OTOF: variants seen among roughly 807,000 people sequenced by gnomAD.
OTOF encodes fer-1-like family member 2.
OTOF carries 218 observed loss-of-function variants against 236.8 expected under a neutral mutation model. That is an observed-to-expected ratio of 0.92 (90% confidence interval 0.82 to 1.03). The LOEUF is 1.03. Ranked by LOEUF, OTOF falls within the 50% of genes least tolerant of loss-of-function variation. OTOF has a pLI of 0.00. For missense variants in OTOF, 2,590 were observed against 2,694.4 expected, an observed-to-expected ratio of 0.96 and a Z score of 0.86; for synonymous variants, 1,041 against 1,072.5, an observed-to-expected ratio of 0.97 and a Z score of 0.57.
chr2:26,551,507 C>T (rs911502393), intron 1 of OTOF, among the ~76,000 whole-genome samples: 37 of 152,214 alleles, frequency 2.4e-4, no homozygotes, highest in African/African-American at 8.4e-4. Flanking sequence ...TTCCCCCCAT[C>T]CTGGGCTAAG....
At chr2:26,553,848 C>T (rs1196584659) in intron 1 of OTOF, among the ~76,000 whole-genome samples, 1 of 152,136 alleles carries the variant, frequency 6.6e-6, no homozygotes, top group African/African-American at 2.4e-5. Flanking sequence ...TCTTGCTTCC[C>T]ACCTATGGGC....
intron 1 of OTOF, among the ~76,000 whole-genome samples, chr2:26,550,226 T>G (rs997987356): frequency 6.6e-6 from 1 of 152,006 alleles, no homozygotes; most frequent in Non-Finnish European, 1.5e-5. Flanking sequence ...AGCAGGTGGA[T>G]CAGTTCAGAC....
intron 1 of OTOF, among the ~76,000 whole-genome samples, chr2:26,549,973 G>A (rs531112708): frequency 1.1e-4 from 16 of 152,278 alleles, no homozygotes; most frequent in Non-Finnish European, 1.5e-4. Context: ...ATCCACAAGT[G>A]TGTAGAGTAC....
chr2:26,519,191 T>C (rs933331927), intron 3 of OTOF, 82 bp from the exon 4 acceptor site: 4 of 963,178 alleles, frequency 4.2e-6, no homozygotes, highest in Non-Finnish European at 4.9e-6. Flanking sequence ...GGGCTGTGAC[T>C]GCTTGGGGAG....
At chr2:26,511,045 C>T (rs1438111338) in intron 5 of OTOF, among the ~76,000 whole-genome samples, 1 of 152,242 alleles carries the variant, frequency 6.6e-6, no homozygotes, top group East Asian at 1.9e-4. Flanking sequence ...ATCGCCCCTA[C>T]CAGGCTAAGA....
rs1468744607 is a variant in OTOF at position 26,470,140 on chromosome 2, GA to G, written c.4023+452del. Reference sequence around the variant, plus strand: ...GCAGTTGTTCCCTTATGGCCTCTGAGAACATGTTTCTCCTTTTCCACAAAGG... The same window carrying G: ...GCAGTTGTTCCCTTATGGCCTCTGAGACATGTTTCTCCTTTTCCACAAAGG... On this transcript the variant is annotated intron_variant, in intron 32 of 46. Coordinates refer to ENST00000272371, the MANE Select transcript of OTOF (RefSeq NM_194248.3). This position sits in a 1 kb window ranked among gnomAD's most constrained non-coding sequence, Gnocchi z 4.3. 6.6e-6 allele frequency among the ~76,000 whole-genome samples: 1 copy of G among 152,172 alleles called. No homozygotes were observed. Among genetic ancestry groups the G allele is most frequent in the African/African-American group, 2.4e-5 (1 of 41,444 alleles).
chr2:26,493,213 T>G (rs756704498), intron 9 of OTOF, among the ~76,000 whole-genome samples: 4 of 152,026 alleles, frequency 2.6e-5, no homozygotes, highest in Non-Finnish European at 2.9e-5. Flanking sequence ...GAGAGCAGAG[T>G]CAATTTGTGG....
Position 26,460,632 on chromosome 2 carries a change from C to T in OTOF, c.5813+15G>A, listed in dbSNP as rs371649088. On this transcript the variant is annotated intron_variant, in intron 45 of 46. Transcript: ENST00000272371. The surrounding 1 kb of genome is among the most constrained non-coding windows in gnomAD (Gnocchi z 5.3). ...GAGCCAGAGTGGGGAGGGGCTGGGCCGGCAGGGCACTCACTTGGGTTTCTC... is the reference window on the plus strand; with the variant it reads ...GAGCCAGAGTGGGGAGGGGCTGGGCTGGCAGGGCACTCACTTGGGTTTCTC... The T allele has an allele frequency of 1.1e-4, 172 of 1,605,068 alleles. No individual in the cohort carries two copies. Among genetic ancestry groups the T allele is most frequent in the Non-Finnish European group, 1.4e-4 (159 of 1,172,302 alleles).
intron 5 of OTOF, among the ~76,000 whole-genome samples, chr2:26,505,924 A>G (rs1246871097): frequency 6.6e-6 from 1 of 152,248 alleles, no homozygotes; most frequent in African/African-American, 2.4e-5. Flanking sequence ...AAAGAACCTG[A>G]GCACCCAAAC....
At chr2:26,510,139 A>G (rs898262524) in intron 5 of OTOF, among the ~76,000 whole-genome samples, 1 of 151,008 alleles carries the variant, frequency 6.6e-6, no homozygotes, top group African/African-American at 2.4e-5. Context: ...CAGCACCCTG[A>G]CCTCATTTTT....
At chr2:26,467,612 C>G (rs1251943395) in intron 33 of OTOF, 111 bp from the exon 34 acceptor site, 1 of 1,304,752 alleles carries the variant, frequency 7.7e-7, no homozygotes. Flanking sequence ...TCTCGGATGT[C>G]CATGTGCTGT....
intron 11 of OTOF, among the ~76,000 whole-genome samples, chr2:26,488,901 T>C (rs994537198): frequency 3.3e-5 from 5 of 152,240 alleles, no homozygotes; most frequent in African/African-American, 7.2e-5. Flanking sequence ...AGCCTGCCTA[T>C]GGCCAGTGAT....
intron 5 of OTOF, among the ~76,000 whole-genome samples, chr2:26,513,873 C>T (rs1291953036): frequency 4.6e-5 from 7 of 152,180 alleles, no homozygotes; most frequent in African/African-American, 1.4e-4. Flanking sequence ...TCTCTGGCTT[C>T]CTCCCAGAAC....
intron 9 of OTOF, among the ~76,000 whole-genome samples, chr2:26,493,724 TC>T (rs1572449029): frequency 6.6e-6 from 1 of 151,992 alleles, no homozygotes. Context: ...TATTGGGAAA[TC>T]GAAACTTAAG....
chr2:26,502,211 T>C, intron 7 of OTOF, 89 bp downstream of exon 7: 1 of 1,448,556 alleles, frequency 6.9e-7, no homozygotes, highest in South Asian at 1.2e-5. Flanking sequence ...GAGCCCTGAT[T>C]CTTCCCTACC....
chr2:26,463,514 G>T lies in OTOF; in HGVS notation c.5161C>A (p.Pro1721Thr), dbSNP rs746372798. 2 of 1,608,512 alleles carry T rather than the reference G, an allele frequency of 1.2e-6. No individual in the cohort carries two copies. The highest frequency in any genetic ancestry group is 2.2e-5 in the East Asian group (1 of 44,740). The change falls in exon 41 of 47, where the codon CCT (proline) becomes ACT (threonine). Residue 1721 changes from proline to threonine, a missense_variant. Pro to Thr is a conservative substitution (Grantham distance 38). Around this residue, in one of 2 missense-constraint regions of OTOF, gnomAD observed 1,211 missense variants for 1,352.8 expected, o/e 0.90. Coordinates refer to ENST00000272371, the MANE Select transcript of OTOF (RefSeq NM_194248.3). ...FPMDMPAPGT[P>T]LDISPRKPKK... is the part of the protein sequence containing the mutation. ...GGCTTCCGAGGTGAGATGTCCAGAG[G>T]CGTCCCAGGGGCTGGCATGTCCATG... is the stretch of plus-strand genomic sequence containing the variant.
At position 26,458,205 on chromosome 2, in the gene OTOF, G is replaced by A. The variant is rs1427858309; in HGVS notation, c.*33C>T. 1.3e-6 allele frequency: 2 copies of A among 1,587,938 alleles called. No individual in the cohort carries two copies. The highest frequency in any genetic ancestry group is 4.6e-5 in the East Asian group (2 of 43,150). ...TGAGAGGGTTGAGGAACCAGACGAA[G>A]GCCGTGTCGGGCCGGCTGGGAAGTG... On this transcript the variant is annotated 3_prime_UTR_variant, in exon 47 of 47. Coordinates refer to ENST00000272371, the MANE Select transcript of OTOF (RefSeq NM_194248.3).
At position 26,489,758 on chromosome 2, in the gene OTOF, C is replaced by G; in HGVS notation, c.898-18G>C. On this transcript the variant is annotated intron_variant, in intron 9 of 46. Transcript: ENST00000272371. ...ACGAAGTACTGGAGGGGGAAGGATC[C>G]AGGCCTGCTGTCACTGAGGGCAGCA... The G allele has an allele frequency of 6.2e-7, 1 of 1,607,166 alleles. No individual in the cohort carries two copies. Among genetic ancestry groups the G allele is most frequent in the Non-Finnish European group, 8.5e-7 (1 of 1,174,694 alleles).
chr2:26,496,074 C>T (rs1309830993), intron 8 of OTOF, among the ~76,000 whole-genome samples: 2 of 152,152 alleles, frequency 1.3e-5, no homozygotes, highest in Non-Finnish European at 2.9e-5. Context: ...TCTGCTGTGT[C>T]CTTTATGTGG....
Sources: gnomAD v4.1 joint callset for allele counts (sites outside exome capture counted in the v4.1 genomes callset) on GRCh38, gnomAD v4.1.1 for gene constraint, gnomAD v4.1.1 regional missense constraint, Gnocchi (gnomAD v3.1) non-coding constraint, MANE v1.5 for transcripts, NCBI Gene and HGNC (gene_info 2026-07-23, HGNC 2026-07-21) for gene names.